MEIG1: variants seen among roughly 807,000 people sequenced by gnomAD.
The protein encoded by MEIG1 is meiosis/spermiogenesis associated 1, also known as meiosis expressed gene 1 protein homolog.
MEIG1 carries 12 observed loss-of-function variants against 11.3 expected under a neutral mutation model. That is an observed-to-expected ratio of 1.07 (90% CI 0.68 to 1.73). The LOEUF (loss-of-function observed/expected upper bound fraction) is 1.73, where lower values mean the gene tolerates loss of function less well. MEIG1 is among the 40% of genes most tolerant of loss of function. The probability of loss-of-function intolerance (pLI) is 0.00; values close to 1 mark genes in which losing one functional copy is unlikely to be tolerated. For missense variants in MEIG1, 119 were observed against 104.9 expected, an observed-to-expected ratio of 1.13 and a Z score of -0.59; for synonymous variants, 41 against 33.2, an observed-to-expected ratio of 1.24 and a Z score of -0.81.
chr10:14,968,688 A>G lies in MEIG1; in HGVS notation c.138+2082A>G, dbSNP rs144139388. Among the ~76,000 whole-genome samples the G allele has an allele frequency of 9.4e-3, 1,436 of 152,276 alleles. 9 individuals carry two copies. Among genetic ancestry groups the G allele is most frequent in the Middle Eastern group, 0.048 (14 of 294 alleles). On this transcript the variant is annotated intron_variant, in intron 2 of 2. Transcript: ENST00000407572. ...CCATGTATCTGTCTTCTCAACCATT[A>G]TACTCTATCCCCATTGCCAAGGATA...
intron 1 of MEIG1, among the ~76,000 whole-genome samples, chr10:14,978,587 T>C (rs1843233804): frequency 6.6e-6 from 1 of 151,990 alleles, no homozygotes; most frequent in African/African-American, 2.4e-5. Flanking sequence ...ATTCCTAATA[T>C]CCTACGGGGA....
chr10:14,982,083 T>TCAGC (rs1397669513), intron 1 of MEIG1, among the ~76,000 whole-genome samples: 1 of 152,208 alleles, frequency 6.6e-6, no homozygotes, highest in African/African-American at 2.4e-5. Flanking sequence ...GCCATGTGAA[T>TCAGC]CATGCGCTGA....
At chr10:14,974,375 A>G (rs1321086365), downstream of MEIG1, among the ~76,000 whole-genome samples, 3 of 152,114 alleles carry the variant, frequency 2.0e-5, no homozygotes, top group East Asian at 1.9e-4. Context: ...GAGCAAATCA[A>G]TTAGGGCTTG....
At chr10:14,981,219 A>G (rs147422830) in intron 1 of MEIG1, among the ~76,000 whole-genome samples, 3 of 144,852 alleles carry the variant, frequency 2.1e-5, no homozygotes, top group Non-Finnish European at 3.0e-5. Flanking sequence ...GCTTAGCCAG[A>G]GCTGGTCTTC....
exon 2 of MEIG1, chr10:14,986,925 G>C: frequency 1.6e-6 from 1 of 624,318 alleles, no homozygotes; most frequent in Admixed American, 2.4e-5. Context: ...CCACATTCTT[G>C]ATGATGGTGA....
chr10:14,961,596 G>A (rs1009748305), intron 1 of MEIG1, among the ~76,000 whole-genome samples: 6 of 146,402 alleles, frequency 4.1e-5, no homozygotes, highest in South Asian at 2.2e-4. Context: ...TCAGCCTCCC[G>A]AAGTAGCTGG....
downstream of MEIG1, among the ~76,000 whole-genome samples, chr10:14,977,764 T>C (rs934521340): frequency 6.6e-6 from 1 of 151,918 alleles, no homozygotes; most frequent in African/African-American, 2.4e-5. Context: ...CATAATATCA[T>C]AGGGAGATAT....
At chr10:14,957,938 G>C (rs977086855), upstream of MEIG1, among the ~76,000 whole-genome samples, 2 of 152,182 alleles carry the variant, frequency 1.3e-5, no homozygotes, top group Non-Finnish European at 2.9e-5. Flanking sequence ...GAGCCACCGC[G>C]CCCGGCCTTG....
At chr10:14,966,802 G>A (rs59272872) in intron 2 of MEIG1, among the ~76,000 whole-genome samples, 196 bp downstream of exon 2, 217 of 152,124 alleles carry the variant, frequency 1.4e-3, no homozygotes, top group African/African-American at 4.8e-3. Flanking sequence ...GTGCAGTGAC[G>A]CAATCTCGGC....
At chr10:14,987,637 G>C (rs1843332415) in intron 2 of MEIG1, 2 of 487,228 alleles carry the variant, frequency 4.1e-6, no homozygotes, top group African/African-American at 4.0e-5. Flanking sequence ...AGCTATACGA[G>C]GCTTTCTGTA....
intron 1 of MEIG1, among the ~76,000 whole-genome samples, chr10:14,979,992 T>C (rs551656135): frequency 1.8e-4 from 28 of 152,216 alleles, no homozygotes; most frequent in Non-Finnish European, 3.4e-4. Flanking sequence ...GTACACCCTG[T>C]TATGTTATTC....
intron 1 of MEIG1, among the ~76,000 whole-genome samples, chr10:14,960,237 TAGG>T (rs956064227): frequency 1.2e-4 from 19 of 152,182 alleles, no homozygotes; most frequent in Admixed American, 1.2e-3. Flanking sequence ...AATAATCTAA[TAGG>T]AGGAATAAAA....
At chr10:14,971,371 A>G (rs1038205818) in intron 2 of MEIG1, among the ~76,000 whole-genome samples, 2 of 150,646 alleles carry the variant, frequency 1.3e-5, no homozygotes, top group African/African-American at 4.9e-5. Context: ...TCTCTACAAA[A>G]AAAAAAAAGA....
intron 2 of MEIG1, among the ~76,000 whole-genome samples, chr10:14,967,558 G>C (rs1270459194): frequency 1.3e-5 from 2 of 149,446 alleles, no homozygotes; most frequent in Non-Finnish European, 3.0e-5. Context: ...AGGCTGGAGT[G>C]CACTGGCGCA....
At chr10:14,963,798 A>G (rs7914611) in intron 1 of MEIG1, among the ~76,000 whole-genome samples, 97,456 of 152,000 alleles carry the variant, frequency 0.64, 31,540 homozygotes, top group Admixed American at 0.68. Context: ...ACCCATCTCT[A>G]CTAAAAATAT....
intron 1 of MEIG1, among the ~76,000 whole-genome samples, chr10:14,984,718 T>G (rs1050226509): frequency 1.3e-5 from 2 of 152,134 alleles, no homozygotes; most frequent in Admixed American, 1.3e-4. Context: ...TATCGTCCTA[T>G]TCTAGGGAAA....
chr10:14,972,623 G>T lies in MEIG1; in HGVS notation c.249G>T (p.Val83=). 1 of 1,611,028 alleles carries T rather than the reference G, an allele frequency of 6.2e-7. No individual in the cohort carries two copies. The highest frequency in any genetic ancestry group is 8.5e-7 in the Non-Finnish European group (1 of 1,178,674). The change falls in exon 3 of 3, where the codon GTG becomes GTT. Residue 83 remains valine (V), a synonymous_variant. Transcript: ENST00000407572. ...GTGATGACAAAGAAGTCCACAAAGT[G>T]AAAATTTATGCTTACTAGCCTGTCT... ...RECDDKEVHK[V]KIYAY
chr10:14,954,382 G>T, the MEIG1 span: 29 of 365,896 alleles, frequency 7.9e-5, no homozygotes, highest in African/African-American at 5.2e-4. Flanking sequence ...GGCCCCAGCC[G>T]ACGAGGTGAG....
intron 1 of MEIG1, among the ~76,000 whole-genome samples, chr10:14,985,160 G>C (rs1301248510): frequency 1.3e-5 from 2 of 151,952 alleles, no homozygotes; most frequent in African/African-American, 4.8e-5. Context: ...GATAGGAGTT[G>C]TAATATTCTA....
Sources: gnomAD v4.1 joint callset for allele counts (sites outside exome capture counted in the v4.1 genomes callset) on GRCh38, gnomAD v4.1.1 for gene constraint, MANE v1.5 for transcripts, NCBI Gene and HGNC (gene_info 2026-07-23, HGNC 2026-07-21) for gene names.